PDE1C: variants seen among roughly 807,000 people sequenced by gnomAD.
PDE1C encodes the protein dual specificity calcium/calmodulin-dependent 3',5'-cyclic nucleotide phosphodiesterase 1C.
Under a neutral mutation model 93.1 loss-of-function variants are expected in PDE1C, and 62 were observed. The observed-to-expected ratio is 0.67, with a 90% confidence interval of 0.54 to 0.82. PDE1C has a LOEUF of 0.82. Among genes scored for constraint, PDE1C ranks in the 40% least tolerant of loss-of-function variants. PDE1C has a pLI of 0.00. For missense variants in PDE1C, 742 were observed against 884.6 expected, an observed-to-expected ratio of 0.84 and a Z score of 2.04; for synonymous variants, 325 against 310.1, an observed-to-expected ratio of 1.05 and a Z score of -0.50.
intron 2 of PDE1C, among the ~76,000 whole-genome samples, chr7:31,981,841 G>C (rs1326858634): frequency 6.6e-6 from 1 of 152,186 alleles, no homozygotes; most frequent in Non-Finnish European, 1.5e-5. Flanking sequence ...ATAACTGAAA[G>C]TTAAATATGA....
At chr7:32,206,921 AG>A (rs150350841) in intron 2 of PDE1C, among the ~76,000 whole-genome samples, 3,183 of 152,296 alleles carry the variant, frequency 0.021, 110 homozygotes, top group African/African-American at 0.073. Flanking sequence ...AGCATTTGTG[AG>A]GGGAAGAGAT....
chr7:32,308,600 C>T (rs1342803357), intron 1 of PDE1C, among the ~76,000 whole-genome samples: 1 of 152,246 alleles, frequency 6.6e-6, no homozygotes, highest in African/African-American at 2.4e-5. Context: ...ACAGCCACTG[C>T]TGTTCTGCAG....
intron 1 of PDE1C, among the ~76,000 whole-genome samples, chr7:32,376,471 G>A (rs749716780): frequency 6.6e-6 from 1 of 152,194 alleles, no homozygotes; most frequent in Non-Finnish European, 1.5e-5. Context: ...GGTCAGTTAA[G>A]GTCTTTACCA....
intron 1 of PDE1C, among the ~76,000 whole-genome samples, chr7:32,253,105 T>C (rs1442140984): frequency 6.6e-6 from 1 of 152,182 alleles, no homozygotes; most frequent in African/African-American, 2.4e-5. Flanking sequence ...ATTGGGGCTA[T>C]TGGAGATGTC....
chr7:32,109,238 T>A (rs746936659), intron 3 of PDE1C, among the ~76,000 whole-genome samples: 1 of 152,144 alleles, frequency 6.6e-6, no homozygotes, highest in Non-Finnish European at 1.5e-5. Flanking sequence ...TTGAAAATTT[T>A]AAAAAAGATT....
At chr7:32,220,115 T>TTA (rs1430788277) in intron 1 of PDE1C, among the ~76,000 whole-genome samples, 2 of 152,126 alleles carry the variant, frequency 1.3e-5, no homozygotes, top group Admixed American at 6.5e-5. Flanking sequence ...TTTTTTTTTT[T>TTA]AAATAAATTA....
chr7:32,210,454 GA>G (rs1296739289), intron 1 of PDE1C, among the ~76,000 whole-genome samples: 11 of 152,316 alleles, frequency 7.2e-5, no homozygotes, highest in African/African-American at 2.6e-4. Context: ...ACGTCATCAT[GA>G]ATGTATGAGA....
At chr7:31,642,183 G>A in the PDE1C span, 5 of 1,559,984 alleles carry the variant, frequency 3.2e-6, no homozygotes, top group African/African-American at 2.7e-5. Context: ...CAGGTGCCAG[G>A]GTGGACAGAG....
chr7:31,655,946 C>G, the PDE1C span: 3,597 of 985,266 alleles, frequency 3.7e-3, 2 homozygotes, highest in Non-Finnish European at 4.2e-3. Flanking sequence ...CCTGCTCATC[C>G]CTCAGATGAA....
chr7:31,898,570 T>C (rs751275755), intron 2 of PDE1C, among the ~76,000 whole-genome samples: 31 of 152,224 alleles, frequency 2.0e-4, no homozygotes, highest in Non-Finnish European at 3.5e-4. Context: ...TCATAAACTG[T>C]ATTAAAATGA....
intron 2 of PDE1C, among the ~76,000 whole-genome samples, chr7:32,047,243 A>T (rs1251719782): frequency 6.6e-6 from 1 of 152,066 alleles, no homozygotes; most frequent in Non-Finnish European, 1.5e-5. Context: ...TGAAGGTGAA[A>T]CTCTATTAAA....
chr7:32,209,697 T>A (rs1227903084), intron 1 of PDE1C, among the ~76,000 whole-genome samples: 1 of 152,226 alleles, frequency 6.6e-6, no homozygotes, highest in Non-Finnish European at 1.5e-5. Context: ...GTGTCTGTAT[T>A]TCCAAGGCTG....
chr7:32,054,520 A>G (rs938982189), intron 1 of PDE1C, among the ~76,000 whole-genome samples: 6 of 152,134 alleles, frequency 3.9e-5, no homozygotes, highest in South Asian at 2.1e-4. Context: ...ATGCATCTCT[A>G]TATCTATCCC....
intron 1 of PDE1C, among the ~76,000 whole-genome samples, chr7:32,331,250 A>G (rs10264177): frequency 0.4 from 61,174 of 152,010 alleles, 13,523 homozygotes; most frequent in African/African-American, 0.58. Flanking sequence ...CACTTGAAAG[A>G]GGCACTGAGA....
intron 6 of PDE1C, among the ~76,000 whole-genome samples, chr7:31,870,188 C>T (rs1795761200): frequency 6.6e-6 from 1 of 151,400 alleles, no homozygotes; most frequent in South Asian, 2.1e-4. Context: ...CACTGTACCT[C>T]AATGAAAAAG....
chr7:31,783,539 C>G lies in PDE1C; in HGVS notation c.1892-7807G>C, dbSNP rs1174752478. On this transcript the variant is annotated intron_variant, in intron 16 of 17. Transcript: ENST00000396191. ...TCCAATTCCAATTAAGAGGTTAACT[C>G]ATTGTTTTTATTTGGTAATCAGAAG... 3 of 151,794 alleles carry G rather than the reference C, an allele frequency of 2.0e-5. No homozygotes were observed. In the East Asian group the frequency reaches 5.8e-4, roughly 29 times the overall value. The allele number at this position is 151,794 out of a possible 1,614,324, so 9.4% of individuals were successfully genotyped here.
At chr7:31,707,276 CTATT>C in the PDE1C span, 1 of 1,613,268 alleles carries the variant, frequency 6.2e-7, no homozygotes, top group Admixed American at 1.7e-5. Flanking sequence ...GACAAGATAG[CTATT>C]TAAAGATAGT....
At chr7:31,643,002 G>A in the PDE1C span, 2 of 1,613,900 alleles carry the variant, frequency 1.2e-6, no homozygotes, top group Non-Finnish European at 1.7e-6. Context: ...GGCAGCTTCT[G>A]CCAATGCCCC....
At chr7:32,100,244 C>CTA (rs1364670129) in intron 3 of PDE1C, among the ~76,000 whole-genome samples, 1 of 152,146 alleles carries the variant, frequency 6.6e-6, no homozygotes, top group Non-Finnish European at 1.5e-5. Flanking sequence ...GGCTGTTTTA[C>CTA]TATGACATTT....
Sources: allele counts gnomAD v4.1 joint callset (sites outside exome capture counted in the v4.1 genomes callset), GRCh38; gene constraint gnomAD v4.1.1; transcripts MANE v1.5; gene names NCBI Gene and HGNC (gene_info 2026-07-23, HGNC 2026-07-21).